The following TRA2A variants were observed in gnomAD, a reference collection of about 807,000 sequenced individuals.
The protein encoded by TRA2A is transformer-2 protein homolog alpha.
TRA2A carries 31 observed loss-of-function variants against 45.7 expected under a neutral mutation model. The observed-to-expected ratio is 0.68, with a 90% CI of 0.51 to 0.92. The LOEUF is 0.92. Among genes scored for constraint, TRA2A ranks in the 40% least tolerant of loss-of-function variants. TRA2A has a pLI of 0.00. For synonymous variants in TRA2A, 132 were observed against 126.2 expected (o/e 1.05, Z -0.31); for missense variants, 304 against 367.5 (o/e 0.83, Z 1.41).
chr7:23,521,772 T>C lies in TRA2A; in HGVS notation c.105A>G (p.Gly35=). ...PARVKSESRS[G]SRSPSRVSKH... ...TGGAAACCCTTGATGGACTACGAGA[T>C]CCTGACCTGCTCTCCGATTTTACAC... The change falls in exon 2 of 8, where the codon GGA becomes GGG. Residue 35 remains glycine (G), a synonymous_variant. Transcript: ENST00000297071. The C allele has an allele frequency of 1.2e-6, 2 of 1,614,160 alleles. No homozygotes were observed. The highest frequency in any genetic ancestry group is 1.7e-6 in the Non-Finnish European group (2 of 1,180,008).
chr7:23,514,017 G>A (rs908901357), intron 3 of TRA2A, among the ~76,000 whole-genome samples: 1 of 151,952 alleles, frequency 6.6e-6, no homozygotes, highest in African/African-American at 2.4e-5. Context: ...AGGCTAAATT[G>A]TGGGAGCTAA....
chr7:23,521,702 C>T lies in TRA2A; in HGVS notation c.170+5G>A, dbSNP rs760349958. 6.2e-7 allele frequency: 1 copy of T among 1,613,996 alleles called. No homozygotes were observed. Among genetic ancestry groups the T allele is most frequent in the African/African-American group, 1.3e-5 (1 of 75,050 alleles). On this transcript the variant is annotated splice_donor_5th_base_variant and intron_variant, in intron 2 of 7. Transcript: ENST00000297071. ...TATTTTAAGTATTATCTTAAACACA[C>T]TTACCTGGATTTTGATCTTGATCGA...
intron 2 of TRA2A, among the ~76,000 whole-genome samples, chr7:23,519,612 A>G (rs1790044305): frequency 6.6e-6 from 1 of 152,182 alleles, no homozygotes; most frequent in Non-Finnish European, 1.5e-5. Flanking sequence ...TCAGCTCAAT[A>G]ATAACCCATT....
At chr7:23,511,909 T>C (rs574704937) in intron 4 of TRA2A, among the ~76,000 whole-genome samples, 4 of 152,320 alleles carry the variant, frequency 2.6e-5, no homozygotes, top group Middle Eastern at 3.4e-3. Flanking sequence ...ATTTAGAGAA[T>C]AGAAAAACAA....
Position 23,514,868 on chromosome 7 carries a change from T to C in TRA2A, c.336+1495A>G, listed in dbSNP as rs561127712. Among the ~76,000 whole-genome samples the C allele has an allele frequency of 2.0e-5, 3 of 152,290 alleles. No homozygotes were observed. The South Asian group carries it at 6.2e-4, about 32-fold the overall frequency. On this transcript the variant is annotated intron_variant, in intron 3 of 7. Transcript: ENST00000297071. ...TAAATAATGACATGCTCCACCACAG[T>C]TTAAGTTAGTATCCTGTGGGAGAAG...
At chr7:23,509,346 C>T (rs1400489166) in intron 4 of TRA2A, among the ~76,000 whole-genome samples, 1 of 152,090 alleles carries the variant, frequency 6.6e-6, no homozygotes, top group African/African-American at 2.4e-5. Flanking sequence ...TTATTATCTT[C>T]ACCATATGCA....
chr7:23,526,292 C>G (rs1412810853), intron 1 of TRA2A, among the ~76,000 whole-genome samples: 4 of 152,272 alleles, frequency 2.6e-5, no homozygotes, highest in African/African-American at 9.6e-5. Flanking sequence ...GTAACTTACT[C>G]TAACATTAAG....
At chr7:23,513,720 C>T (rs896022253) in intron 3 of TRA2A, among the ~76,000 whole-genome samples, 1 of 152,148 alleles carries the variant, frequency 6.6e-6, no homozygotes, top group Non-Finnish European at 1.5e-5. Context: ...AGTTTTGTCA[C>T]AAGAGTACAC....
chr7:23,531,304 G>C (rs1371636987), intron 1 of TRA2A: 1 of 962,460 alleles, frequency 1.0e-6, no homozygotes, highest in Admixed American at 5.7e-5. Flanking sequence ...ACAGGCCCCA[G>C]CTAGTCCCAC....
At chr7:23,520,842 G>A (rs1464108896) in intron 2 of TRA2A, among the ~76,000 whole-genome samples, 2 of 151,854 alleles carry the variant, frequency 1.3e-5, no homozygotes, top group East Asian at 1.9e-4. Context: ...ACAGGTGCCC[G>A]CCACCCCGCC....
intron 4 of TRA2A, among the ~76,000 whole-genome samples, chr7:23,507,940 G>A (rs1434732266): frequency 6.6e-6 from 1 of 152,138 alleles, no homozygotes; most frequent in Non-Finnish European, 1.5e-5. Context: ...AGGTTGCCCA[G>A]GTAGACTGCC....
At chr7:23,530,138 TACTC>T (rs1790510655) in intron 1 of TRA2A, among the ~76,000 whole-genome samples, 1 of 152,280 alleles carries the variant, frequency 6.6e-6, no homozygotes, top group South Asian at 2.1e-4. Context: ...TATCGATAAT[TACTC>T]AACATTTTCA....
intron 3 of TRA2A, among the ~76,000 whole-genome samples, chr7:23,515,692 T>TA (rs1392006467): frequency 8.6e-5 from 13 of 152,026 alleles, no homozygotes; most frequent in African/African-American, 2.9e-4. Flanking sequence ...ATTACAGGCG[T>TA]AAGCCACCAC....
intron 1 of TRA2A, among the ~76,000 whole-genome samples, chr7:23,523,088 C>A (rs1790200667): frequency 6.6e-6 from 1 of 152,122 alleles, no homozygotes; most frequent in Admixed American, 6.6e-5. Flanking sequence ...CTGATATACA[C>A]ATTTTTGCAA....
chr7:23,511,263 C>A (rs1187920238), intron 4 of TRA2A, among the ~76,000 whole-genome samples: 2 of 149,982 alleles, frequency 1.3e-5, no homozygotes, highest in African/African-American at 4.9e-5. Context: ...CCCAGCTACT[C>A]GGGAGGCTGA....
At chr7:23,506,544 ATGAAGCACTG>A (rs749536212) in intron 5 of TRA2A, 13 of 391,942 alleles carry the variant, frequency 3.3e-5, no homozygotes, top group Non-Finnish European at 5.0e-5. Context: ...AATTGAAACG[ATGAAGCACTG>A]TGTTGAGCAG....
chr7:23,504,906 A>T lies in TRA2A; in HGVS notation c.*653T>A, dbSNP rs1292063586. 1 of 152,668 alleles carries T rather than the reference A, an allele frequency of 6.6e-6. No individual in the cohort carries two copies. The highest frequency in any genetic ancestry group is 1.5e-5 in the Non-Finnish European group (1 of 68,052). The allele number at this position is 152,668 out of a possible 1,614,324, so 9.5% of individuals were successfully genotyped here. A position where few individuals can be genotyped will look rare whatever the true frequency, so the allele number is the denominator to read the frequency against. On this transcript the variant is annotated 3_prime_UTR_variant, in exon 8 of 8. Transcript: ENST00000297071. ...CAAAATTTCTAACAGCGAATTATAC[A>T]ACTGCTCTAGGTAATAAATAAGGGT...
rs1354778815 is a variant in TRA2A, at chr7:23,531,844, G to A, written c.-20C>T. ...ACTCATGTCGACGAGGCGCTCCCCA[G>A]AACTAAATAAGAGACAAGTCTCGGC... On this transcript the variant is annotated 5_prime_UTR_variant, in exon 1 of 8. Coordinates refer to ENST00000297071, the MANE Select transcript of TRA2A (RefSeq NM_013293.5). 1 of 1,613,574 alleles carries A rather than the reference G, an allele frequency of 6.2e-7. No homozygotes were observed. Among genetic ancestry groups the A allele is most frequent in the East Asian group, 2.2e-5 (1 of 44,880 alleles).
intron 4 of TRA2A, among the ~76,000 whole-genome samples, chr7:23,511,386 AAAAAAAAAAAAAAAAAAAAAAAAAG>A (rs869214799): frequency 0.063 from 1,745 of 27,886 alleles, 94 homozygotes; most frequent in Non-Finnish European, 0.079. Flanking sequence ...AAAAAAAAAA[AAAAAAAAAAAAAAAAAAAAAAAAAG>A]AAAAGAAAAG....
Sources: gnomAD v4.1 joint callset for allele counts (sites outside exome capture counted in the v4.1 genomes callset) on GRCh38, gnomAD v4.1.1 for gene constraint, MANE v1.5 for transcripts, NCBI Gene and HGNC (gene_info 2026-07-23, HGNC 2026-07-21) for gene names.